RNF212B: variants seen among roughly 807,000 people sequenced by gnomAD.
The protein encoded by RNF212B is ring finger protein 212B.
Under a neutral mutation model 55.5 loss-of-function variants are expected in RNF212B, and 52 were observed. That is an observed-to-expected ratio of 0.94 (90% confidence interval 0.75 to 1.18). The LOEUF (loss-of-function observed/expected upper bound fraction) is 1.18, where lower values mean the gene tolerates loss of function less well. Among genes scored for constraint, RNF212B ranks in the 50% most tolerant of loss-of-function variants. The probability of loss-of-function intolerance (pLI) is 0.00; values close to 1 mark genes in which losing one functional copy is unlikely to be tolerated. For synonymous variants in RNF212B, 99 were observed against 121.4 expected, an observed-to-expected ratio of 0.82 and a Z score of 1.21; for missense variants, 289 against 350.4, an observed-to-expected ratio of 0.82 and a Z score of 1.40.
chr14:23,257,115 T>G (rs1884893673), intron 4 of RNF212B, among the ~76,000 whole-genome samples: 1 of 151,962 alleles, frequency 6.6e-6, no homozygotes, highest in South Asian at 2.1e-4. Flanking sequence ...ATCGTGCCAT[T>G]GCACTCCAGC....
chr14:23,235,538 C>A (rs190795289), upstream of RNF212B, among the ~76,000 whole-genome samples: 485 of 152,202 alleles, frequency 3.2e-3, 5 homozygotes, highest in African/African-American at 0.011. Context: ...TCAAGGAAAA[C>A]CAGTGACAGT....
At chr14:23,214,838 C>T (rs1880913638) in intron 2 of RNF212B, among the ~76,000 whole-genome samples, 1 of 152,026 alleles carries the variant, frequency 6.6e-6, no homozygotes, top group African/African-American at 2.4e-5. Context: ...CTTTCCAAAT[C>T]TGTTGAAAGA....
At chr14:23,197,279 C>T (rs1878811446) in intron 2 of RNF212B, among the ~76,000 whole-genome samples, 2 of 152,318 alleles carry the variant, frequency 1.3e-5, no homozygotes, top group Admixed American at 1.3e-4. Flanking sequence ...GTAAGCCCGG[C>T]ACTTTGGGAG....
chr14:23,248,491 G>C (rs181497884), intron 4 of RNF212B, among the ~76,000 whole-genome samples: 10 of 137,048 alleles, frequency 7.3e-5, no homozygotes, highest in Admixed American at 4.6e-4. Flanking sequence ...GCCCAGACTG[G>C]AGTGCAGTGG....
At chr14:23,244,855 C>A (rs1194041625) in intron 4 of RNF212B, among the ~76,000 whole-genome samples, 1 of 152,188 alleles carries the variant, frequency 6.6e-6, no homozygotes, top group Non-Finnish European at 1.5e-5. Flanking sequence ...TTTAGTAATA[C>A]TTACCTCTTC....
At chr14:23,238,765 A>ATCATCATC (rs1566420287) in intron 1 of RNF212B, among the ~76,000 whole-genome samples, 7 of 132,030 alleles carry the variant, frequency 5.3e-5, no homozygotes, top group Middle Eastern at 8.2e-3. Flanking sequence ...TAATAATAAT[A>ATCATCATC]ATAATAATAA....
At chr14:23,229,254 ATATATATAC>A in intron 2 of RNF212B, among the ~76,000 whole-genome samples, 3 of 117,398 alleles carry the variant, frequency 2.6e-5, no homozygotes, top group Non-Finnish European at 5.6e-5. Flanking sequence ...ATATATATAT[ATATATATAC>A]CACATTGTTT....
chr14:23,234,884 T>C (rs1028021894), upstream of RNF212B, among the ~76,000 whole-genome samples: 3 of 152,154 alleles, frequency 2.0e-5, no homozygotes, highest in Non-Finnish European at 4.4e-5. Flanking sequence ...GAGACCAGCC[T>C]GGGCAACACA....
intron 2 of RNF212B, among the ~76,000 whole-genome samples, chr14:23,223,863 T>C (rs1881783245): frequency 6.6e-6 from 1 of 152,192 alleles, no homozygotes; most frequent in South Asian, 2.1e-4. Context: ...CCAAAAACTA[T>C]TAGAATTGAT....
Position 23,199,732 on chromosome 14 carries a change from A to G in RNF212B, c.-2+6331A>G, listed in dbSNP as rs113548803. On this transcript the variant is annotated intron_variant, in intron 2 of 15. Coordinates refer to the RNF212B transcript ENST00000399910. ...GAAGGGAGAAAAAACAACAACAAAC[A>G]AAAGAACATTCTTGGAAAATCTATA... 9.6e-3 allele frequency among the ~76,000 whole-genome samples: 1,468 copies of G among 152,238 alleles called. 15 individuals are homozygous for G. Among genetic ancestry groups the G allele is most frequent in the African/African-American group, 0.033 (1,353 of 41,538 alleles).
At chr14:23,202,152 G>A (rs1187330779) in intron 2 of RNF212B, among the ~76,000 whole-genome samples, 1 of 151,590 alleles carries the variant, frequency 6.6e-6, no homozygotes, top group Non-Finnish European at 1.5e-5. Context: ...TCGGGAGTCT[G>A]AGGCAGGAGA....
intron 2 of RNF212B, among the ~76,000 whole-genome samples, chr14:23,231,232 C>T (rs1427129075): frequency 6.6e-6 from 1 of 152,108 alleles, no homozygotes; most frequent in Non-Finnish European, 1.5e-5. Context: ...AAGTAGTGTT[C>T]TATGTACAAA....
chr14:23,269,711 CAAAA>C (rs956501851), intron 12 of RNF212B, among the ~76,000 whole-genome samples, 148 bp from the exon 13 acceptor site: 2 of 127,576 alleles, frequency 1.6e-5, no homozygotes, highest in African/African-American at 6.1e-5. Context: ...GACCCTGTCT[CAAAA>C]AAAAAAAAAG....
chr14:23,264,907 C>A (rs538169304), intron 11 of RNF212B, among the ~76,000 whole-genome samples: 1 of 151,756 alleles, frequency 6.6e-6, no homozygotes, highest in African/African-American at 2.4e-5. Flanking sequence ...CCACATCCTC[C>A]GCCTCCCATG....
At chr14:23,188,626 C>G (rs1877826441) in intron 1 of RNF212B, among the ~76,000 whole-genome samples, 1 of 152,008 alleles carries the variant, frequency 6.6e-6, no homozygotes, top group Admixed American at 6.6e-5. Context: ...ACCACTATGC[C>G]TGGCAAATTT....
chr14:23,202,545 A>G (rs764582567), intron 2 of RNF212B, among the ~76,000 whole-genome samples: 5 of 152,090 alleles, frequency 3.3e-5, no homozygotes, highest in Non-Finnish European at 7.4e-5. Context: ...CCTAAAGATG[A>G]GGCTTTAATT....
At chr14:23,185,886 A>G (rs368988721) in intron 1 of RNF212B, among the ~76,000 whole-genome samples, 13 of 152,060 alleles carry the variant, frequency 8.5e-5, no homozygotes, top group African/African-American at 2.7e-4. Flanking sequence ...GAGTGCTTGA[A>G]CTCAGGAGTT....
intron 2 of RNF212B, among the ~76,000 whole-genome samples, chr14:23,194,078 G>A (rs971535897): frequency 2.0e-5 from 3 of 152,130 alleles, no homozygotes; most frequent in African/African-American, 4.8e-5. Context: ...CTGACCTCAG[G>A]TGATCCACCC....
intron 2 of RNF212B, chr14:23,230,101 T>C (rs1882444924): frequency 1.1e-5 from 2 of 188,820 alleles, no homozygotes; most frequent in South Asian, 1.1e-4. Flanking sequence ...ATACTGAAAG[T>C]CTTGTGAGAA....
Sources: gnomAD v4.1 joint callset for allele counts (sites outside exome capture counted in the v4.1 genomes callset) on GRCh38, gnomAD v4.1.1 for gene constraint, MANE v1.5 for transcripts, NCBI Gene and HGNC (gene_info 2026-07-23, HGNC 2026-07-21) for gene names.